TYW1: variants seen among roughly 807,000 people sequenced by gnomAD.
TYW1 encodes the protein S-adenosyl-L-methionine-dependent tRNA 4-demethylwyosine synthase TYW1.
TYW1 carries 46 observed loss-of-function variants against 96.2 expected under a neutral mutation model. The observed-to-expected ratio is 0.48, with a 90% CI of 0.38 to 0.61. The LOEUF (loss-of-function observed/expected upper bound fraction) is 0.61, where lower values mean the gene tolerates loss of function less well. Ranked by LOEUF, TYW1 falls within the 20% of genes least tolerant of loss-of-function variation. TYW1 has a pLI of 0.00. For synonymous variants in TYW1, 274 were observed against 323.0 expected (o/e 0.85, Z 1.63); for missense variants, 684 against 909.6 (o/e 0.75, Z 3.19).
At chr7:67,063,399 A>C (rs1038656908) in intron 9 of TYW1, among the ~76,000 whole-genome samples, 2 of 152,268 alleles carry the variant, frequency 1.3e-5, no homozygotes, top group African/African-American at 4.8e-5. Context: ...CTCCTGTTTT[A>C]CATAGTATTG....
Position 67,097,421 on chromosome 7 carries a change from C to T in TYW1, c.1385-1120C>T, listed in dbSNP as rs557288265. 4.6e-5 allele frequency among the ~76,000 whole-genome samples: 7 copies of T among 152,314 alleles called. No homozygotes were observed. In the East Asian group the frequency reaches 5.8e-4, roughly 13 times the overall value. ...GCAGTATTTTTGGTTTTTTTGGAGA[C>T]GGAGTCTCACTCTGTTGCCCAGGCT... On this transcript the variant is annotated intron_variant, in intron 11 of 15. Coordinates refer to ENST00000359626, the MANE Select transcript of TYW1 (RefSeq NM_018264.4).
At chr7:67,040,157 C>T (rs1794969574) in intron 7 of TYW1, among the ~76,000 whole-genome samples, 1 of 151,634 alleles carries the variant, frequency 6.6e-6, no homozygotes. Context: ...GGGTTTTTAC[C>T]GTGTTGGCCA....
rs1341437613 is a variant in TYW1 at position 67,180,424 on chromosome 7, A to ATT, written c.1699-2702_1699-2701insTT. 1.9e-3 allele frequency among the ~76,000 whole-genome samples: 156 copies of ATT among 81,924 alleles called. 30 individuals carry two copies. The highest frequency in any genetic ancestry group is 3.3e-3 in the Non-Finnish European group (122 of 36,808). 53.7% of individuals were successfully genotyped at this position (81,924 alleles called of 152,430 possible). On this transcript the variant is annotated intron_variant, in intron 13 of 15. Transcript: ENST00000359626. ...TATATATTTATATATATATATATAT[A>ATT]ATTTTTTTTTTGGTAACTGGCCTAA...
At chr7:67,129,030 A>G (rs373253510) in intron 13 of TYW1, among the ~76,000 whole-genome samples, 1 of 152,134 alleles carries the variant, frequency 6.6e-6, no homozygotes, top group Non-Finnish European at 1.5e-5. Flanking sequence ...CTGGACTGTG[A>G]ACTTCACAAA....
chr7:67,014,599 A>G (rs1172285565), intron 5 of TYW1, 38 bp downstream of exon 5: 4 of 1,576,230 alleles, frequency 2.5e-6, no homozygotes, highest in Non-Finnish European at 2.6e-6. Context: ...AATTCTCCCC[A>G]TAAACACACA....
chr7:67,157,291 T>C (rs1350137128), intron 13 of TYW1, among the ~76,000 whole-genome samples: 1 of 152,182 alleles, frequency 6.6e-6, no homozygotes, highest in African/African-American at 2.4e-5. Flanking sequence ...ATATTTTTTG[T>C]TGTTTATTTT....
intron 9 of TYW1, among the ~76,000 whole-genome samples, chr7:67,058,497 T>G (rs11763800): frequency 0.022 from 3,311 of 152,184 alleles, 61 homozygotes; most frequent in Middle Eastern, 0.037. Context: ...TTGTTTATTT[T>G]TTTGAGGTAG....
intron 13 of TYW1, among the ~76,000 whole-genome samples, chr7:67,122,602 C>T (rs1797791919): frequency 6.6e-6 from 1 of 152,110 alleles, no homozygotes; most frequent in African/African-American, 2.4e-5. Flanking sequence ...TGCTTTTTTG[C>T]AAATTTAATT....
chr7:67,022,904 G>C (rs749568596), intron 6 of TYW1, among the ~76,000 whole-genome samples: 3 of 152,144 alleles, frequency 2.0e-5, no homozygotes, highest in Non-Finnish European at 4.4e-5. Flanking sequence ...TCAAATAGGA[G>C]AGCGTAAGAT....
chr7:67,108,876 A>G (rs1042689143), intron 12 of TYW1, among the ~76,000 whole-genome samples: 8 of 152,244 alleles, frequency 5.3e-5, no homozygotes, highest in African/African-American at 1.9e-4. Flanking sequence ...CAATAGAATT[A>G]AACTAGAAAC....
intron 15 of TYW1, among the ~76,000 whole-genome samples, chr7:67,198,905 A>G (rs1274359714): frequency 6.6e-6 from 1 of 152,088 alleles, no homozygotes; most frequent in African/African-American, 2.4e-5. Flanking sequence ...TTTAATAGAA[A>G]TGTTTCTTGG....
intron 15 of TYW1, among the ~76,000 whole-genome samples, chr7:67,225,347 G>C (rs1018849232): frequency 1.3e-5 from 2 of 152,158 alleles, no homozygotes; most frequent in African/African-American, 4.8e-5. Context: ...TTGGAAACAG[G>C]AGACAGAGTC....
chr7:67,137,293 G>A (rs1798293860), intron 13 of TYW1, among the ~76,000 whole-genome samples: 1 of 151,792 alleles, frequency 6.6e-6, no homozygotes, highest in Admixed American at 6.6e-5. Context: ...TTTATTCTAA[G>A]GCTAGAAATC....
chr7:67,157,768 T>A (rs182306220), intron 13 of TYW1, among the ~76,000 whole-genome samples: 188 of 152,280 alleles, frequency 1.2e-3, no homozygotes, highest in African/African-American at 4.3e-3. Flanking sequence ...TTTGATACCT[T>A]GAAAGTTTTG....
chr7:67,081,260 T>C (rs1387954374), intron 10 of TYW1, among the ~76,000 whole-genome samples: 3 of 145,578 alleles, frequency 2.1e-5, no homozygotes, highest in Non-Finnish European at 3.0e-5. Flanking sequence ...GAATATATCA[T>C]CCCATTCTCT....
chr7:67,166,519 C>A (rs1178600566), intron 13 of TYW1, among the ~76,000 whole-genome samples: 5 of 141,904 alleles, frequency 3.5e-5, no homozygotes, highest in African/African-American at 1.4e-4. Context: ...CTTCAGAGTT[C>A]TCTCCTGGTC....
At chr7:67,194,537 C>G (rs1800325828) in intron 14 of TYW1, among the ~76,000 whole-genome samples, 3 of 152,084 alleles carry the variant, frequency 2.0e-5, no homozygotes, top group Admixed American at 2.0e-4. Context: ...AGGCACGAGA[C>G]TCTCTTGAAC....
At position 67,233,272 on chromosome 7, in the gene TYW1, T is replaced by C. The variant is rs796473240; in HGVS notation, c.1978-5036T>C. Among the ~76,000 whole-genome samples the C allele has an allele frequency of 1.6e-4, 22 of 136,024 alleles. 2 individuals are homozygous for C. Among genetic ancestry groups the C allele is most frequent in the Non-Finnish European group, 1.9e-4 (12 of 63,184 alleles). 89.2% of individuals were successfully genotyped at this position (136,024 alleles called of 152,430 possible). A position where few individuals can be genotyped will look rare whatever the true frequency, so the allele number is the denominator to read the frequency against. ...AAGAGGAAGTAATAGTAAATGCATGTGTTTAATCTACCATCTTTAATAGAA... is the reference window on the plus strand; with the variant it reads ...AAGAGGAAGTAATAGTAAATGCATGCGTTTAATCTACCATCTTTAATAGAA... On this transcript the variant is annotated intron_variant, in intron 15 of 15. Coordinates refer to ENST00000359626, the MANE Select transcript of TYW1 (RefSeq NM_018264.4).
At chr7:67,101,877 G>A (rs953118593) in intron 12 of TYW1, among the ~76,000 whole-genome samples, 2 of 152,102 alleles carry the variant, frequency 1.3e-5, no homozygotes, top group African/African-American at 4.8e-5. Flanking sequence ...TCAGTGTATT[G>A]TCATAAAGAT....
Sources: gnomAD v4.1 joint callset for allele counts (sites outside exome capture counted in the v4.1 genomes callset) on GRCh38, gnomAD v4.1.1 for gene constraint, MANE v1.5 for transcripts, NCBI Gene and HGNC (gene_info 2026-07-23, HGNC 2026-07-21) for gene names.